HS3ST4: variants seen among roughly 807,000 people sequenced by gnomAD.
HS3ST4 encodes the protein heparan sulfate-glucosamine 3-sulfotransferase 4.
HS3ST4 carries 17 observed loss-of-function variants against 29.2 expected under a neutral mutation model. That is an observed-to-expected ratio of 0.58 (90% CI 0.40 to 0.87). The LOEUF is 0.87. Among genes scored for constraint, HS3ST4 ranks in the 40% least tolerant of loss-of-function variants. HS3ST4 has a pLI of 0.00. For missense variants in HS3ST4, 627 were observed against 634.5 expected (o/e 0.99, Z 0.13); for synonymous variants, 314 against 285.7 (o/e 1.10, Z -1.00).
intron 1 of HS3ST4, among the ~76,000 whole-genome samples, chr16:25,805,232 C>T (rs901897977): frequency 2.6e-5 from 4 of 152,118 alleles, no homozygotes; most frequent in Non-Finnish European, 1.5e-5. Flanking sequence ...GAGGGGAGGA[C>T]AAAGGGAAGC....
In HS3ST4 at chr16:25,828,242, C is replaced by CTTTTTCTGTCTGTCTTTCTT. The variant is rs1371928058; in HGVS notation, c.734+135092_734+135093insTTTTCTGTCTGTCTTTCTTT. Among the ~76,000 whole-genome samples the CTTTTTCTGTCTGTCTTTCTT allele has an allele frequency of 3.1e-4, 23 of 75,028 alleles. 2 individuals are homozygous for CTTTTTCTGTCTGTCTTTCTT. The highest frequency in any genetic ancestry group is 1.3e-3 in the African/African-American group (23 of 17,282). The allele number at this position is 75,028 out of a possible 152,430, so 49.2% of individuals were successfully genotyped here. A position where few individuals can be genotyped will look rare whatever the true frequency, so the allele number is the denominator to read the frequency against. Reference sequence around the variant, plus strand: ...CTTTCCTTTCTTTCTTTCTTTCTTTCTCTTTCTTTCTTTCTTTCTTTCTTT... The same window carrying CTTTTTCTGTCTGTCTTTCTT: ...CTTTCCTTTCTTTCTTTCTTTCTTTCTTTTTCTGTCTGTCTTTCTTTCTTTCTTTCTTTCTTTCTTTCTTT... On this transcript the variant is annotated intron_variant, in intron 1 of 1. Coordinates refer to ENST00000331351, the MANE Select transcript of HS3ST4 (RefSeq NM_006040.3).
At chr16:25,933,198 C>T (rs1011586408) in intron 1 of HS3ST4, among the ~76,000 whole-genome samples, 5 of 152,216 alleles carry the variant, frequency 3.3e-5, no homozygotes, top group African/African-American at 9.6e-5. Context: ...TCTCATTAAA[C>T]TGGCTTTAAT....
At chr16:25,868,893 G>C (rs1967721815) in intron 1 of HS3ST4, among the ~76,000 whole-genome samples, 5 of 152,114 alleles carry the variant, frequency 3.3e-5, no homozygotes, top group Admixed American at 1.3e-4. Context: ...GTAGGATGAT[G>C]CTTCTAGGGT....
chr16:26,112,888 G>A (rs1899150351), intron 1 of HS3ST4, among the ~76,000 whole-genome samples: 1 of 137,778 alleles, frequency 7.3e-6, no homozygotes, highest in African/African-American at 2.7e-5. Flanking sequence ...CTTGCTACAA[G>A]CATTTTGGAA....
chr16:26,013,574 A>T (rs948807952), intron 1 of HS3ST4, among the ~76,000 whole-genome samples: 1 of 152,208 alleles, frequency 6.6e-6, no homozygotes, highest in Admixed American at 6.5e-5. Flanking sequence ...GACTAAGCTC[A>T]TCAATTTCAT....
chr16:25,860,810 TG>T (rs920057459), intron 1 of HS3ST4, among the ~76,000 whole-genome samples: 2 of 152,174 alleles, frequency 1.3e-5, no homozygotes, highest in African/African-American at 4.8e-5. Flanking sequence ...ATTATAAATT[TG>T]CCCAGACCCG....
chr16:25,967,502 T>G (rs12921387), intron 1 of HS3ST4, among the ~76,000 whole-genome samples: 1 of 152,148 alleles, frequency 6.6e-6, no homozygotes, highest in South Asian at 2.1e-4. Flanking sequence ...CTTTTTATTT[T>G]ATAAATCATG....
chr16:26,084,096 A>C (rs1898756680), intron 1 of HS3ST4, among the ~76,000 whole-genome samples: 1 of 152,118 alleles, frequency 6.6e-6, no homozygotes, highest in Admixed American at 6.6e-5. Context: ...GGTCTGACTG[A>C]CTTCCCTTGA....
At chr16:26,072,846 G>A (rs1486211257) in intron 1 of HS3ST4, among the ~76,000 whole-genome samples, 1 of 152,166 alleles carries the variant, frequency 6.6e-6, no homozygotes, top group Non-Finnish European at 1.5e-5. Flanking sequence ...TAGTTACTAA[G>A]AGACACTTTC....
intron 1 of HS3ST4, among the ~76,000 whole-genome samples, chr16:26,049,052 A>G (rs1214044664): frequency 1.3e-5 from 2 of 151,878 alleles, no homozygotes; most frequent in Non-Finnish European, 2.9e-5. Context: ...TTTTCACCTT[A>G]TTTAATTTTT....
chr16:25,731,453 A>T (rs959943378), intron 1 of HS3ST4, among the ~76,000 whole-genome samples: 1 of 151,890 alleles, frequency 6.6e-6, no homozygotes, highest in African/African-American at 2.4e-5. Flanking sequence ...CAATCCTCCC[A>T]CCTCAGCCTC....
At position 26,072,987 on chromosome 16, in the gene HS3ST4, G is replaced by A. The variant is rs541268877; in HGVS notation, c.735-62625G>A. ...AAGCATCCTTTAAAAAGAGAAAAGA[G>A]CCTGTTTATGAAATGGAGCAAAACA... On this transcript the variant is annotated intron_variant, in intron 1 of 1. Coordinates refer to ENST00000331351, the MANE Select transcript of HS3ST4 (RefSeq NM_006040.3). Among the ~76,000 whole-genome samples, 6 of 152,316 alleles carry A rather than the reference G, an allele frequency of 3.9e-5. No homozygotes were observed. In the East Asian group the frequency reaches 1.2e-3, roughly 29 times the overall value.
At chr16:25,771,083 A>G (rs1966841342) in intron 1 of HS3ST4, among the ~76,000 whole-genome samples, 1 of 151,928 alleles carries the variant, frequency 6.6e-6, no homozygotes, top group South Asian at 2.1e-4. Flanking sequence ...TCAACCTGTC[A>G]TCCAGGTTTT....
chr16:25,803,808 T>C (rs979627516), intron 1 of HS3ST4, among the ~76,000 whole-genome samples: 3 of 152,200 alleles, frequency 2.0e-5, no homozygotes, highest in African/African-American at 7.2e-5. Flanking sequence ...CAGTTCAGTC[T>C]CTGCTTCTTG....
chr16:26,069,932 A>C (rs1279795421), intron 1 of HS3ST4, among the ~76,000 whole-genome samples: 1 of 152,068 alleles, frequency 6.6e-6, no homozygotes, highest in Non-Finnish European at 1.5e-5. Context: ...CATATGTGCC[A>C]CATTTTCTTA....
chr16:25,741,365 T>A (rs1182791974), intron 1 of HS3ST4, among the ~76,000 whole-genome samples: 154 of 66,154 alleles, frequency 2.3e-3, no homozygotes, highest in South Asian at 5.3e-3. Flanking sequence ...GAATTCAAGG[T>A]AAAAAAAAAA....
intron 1 of HS3ST4, among the ~76,000 whole-genome samples, chr16:25,998,510 AG>A (rs1230607655): frequency 1.3e-5 from 2 of 152,184 alleles, no homozygotes; most frequent in Non-Finnish European, 1.5e-5. Context: ...ATGAAACTTT[AG>A]TGCTATATTT....
intron 1 of HS3ST4, among the ~76,000 whole-genome samples, chr16:25,703,719 G>T (rs778550235): frequency 6.6e-6 from 1 of 152,064 alleles, no homozygotes; most frequent in Non-Finnish European, 1.5e-5. Context: ...TTCTGTTCAG[G>T]GACTATGCCA....
chr16:25,778,392 A>T (rs1966849570), intron 1 of HS3ST4, among the ~76,000 whole-genome samples: 1 of 152,090 alleles, frequency 6.6e-6, no homozygotes, highest in South Asian at 2.1e-4. Flanking sequence ...CTGTCCTCAC[A>T]TCCTTTCAGG....
Sources: allele counts gnomAD v4.1 joint callset (sites outside exome capture counted in the v4.1 genomes callset), GRCh38; gene constraint gnomAD v4.1.1; transcripts MANE v1.5; gene names NCBI Gene and HGNC (gene_info 2026-07-23, HGNC 2026-07-21).